CSMD1: variants seen among roughly 807,000 people sequenced by gnomAD.
The protein encoded by CSMD1 is CUB and Sushi multiple domains 1.
Under a neutral mutation model 417.5 loss-of-function variants are expected in CSMD1, and 213 were observed. The observed-to-expected ratio is 0.51, with a 90% CI of 0.46 to 0.57. The LOEUF is 0.57. Ranked by LOEUF, CSMD1 falls within the 20% of genes least tolerant of loss-of-function variation. CSMD1 has a pLI of 0.00. For synonymous variants in CSMD1, 2,862 were observed against 1,736.8 expected, an observed-to-expected ratio of 1.65 and a Z score of -16.11; for missense variants, 6,923 against 4,529.7, an observed-to-expected ratio of 1.53 and a Z score of -15.17.
chr8:3,244,209 C>T (rs1409012472), intron 26 of CSMD1, among the ~76,000 whole-genome samples: 1 of 152,124 alleles, frequency 6.6e-6, no homozygotes, highest in Non-Finnish European at 1.5e-5. Context: ...GGCAGAGATG[C>T]TATTGCGAGG....
intron 51 of CSMD1, among the ~76,000 whole-genome samples, chr8:3,021,865 C>A (rs1809436455): frequency 2.0e-5 from 3 of 146,434 alleles, no homozygotes; most frequent in African/African-American, 7.8e-5. Flanking sequence ...CGGAATGCAC[C>A]CGCAATCCCA....
intron 2 of CSMD1, among the ~76,000 whole-genome samples, chr8:4,431,538 C>G (rs970253730): frequency 2.6e-5 from 4 of 151,430 alleles, no homozygotes; most frequent in African/African-American, 9.7e-5. Flanking sequence ...ACACCCGACC[C>G]TGATAATCTA....
At chr8:4,699,994 C>G (rs529106895) in intron 1 of CSMD1, among the ~76,000 whole-genome samples, 1 of 152,186 alleles carries the variant, frequency 6.6e-6, no homozygotes, top group Non-Finnish European at 1.5e-5. Flanking sequence ...TAATACATGG[C>G]TTCAATTTCT....
rs1799974940 is a variant in CSMD1, at chr8:3,795,091, ATATAT to A, written c.819-41054_819-41050del. ...ATATCTATCATGTACAGCTATAGAT[ATATAT>A]CTATCATGTACAGCTATAGATATCT... On this transcript the variant is annotated intron_variant, in intron 5 of 69. Coordinates refer to ENST00000635120, the MANE Select transcript of CSMD1 (RefSeq NM_033225.6). 3.6e-5 allele frequency among the ~76,000 whole-genome samples: 4 copies of A among 109,628 alleles called. 1 individual carries two copies. The highest frequency in any genetic ancestry group is 2.9e-4 in the East Asian group (1 of 3,424). The allele number at this position is 109,628 out of a possible 152,430, so 71.9% of individuals were successfully genotyped here. A position where few individuals can be genotyped will look rare whatever the true frequency, so the allele number is the denominator to read the frequency against.
chr8:3,800,717 C>T (rs377006329), intron 5 of CSMD1, among the ~76,000 whole-genome samples: 5 of 152,186 alleles, frequency 3.3e-5, no homozygotes, highest in African/African-American at 1.2e-4. Context: ...AAGGTAAGAA[C>T]AGTTCTTGAA....
At chr8:4,296,401 A>G (rs970550317) in intron 3 of CSMD1, among the ~76,000 whole-genome samples, 3 of 152,208 alleles carry the variant, frequency 2.0e-5, no homozygotes, top group Non-Finnish European at 4.4e-5. Flanking sequence ...ATAATGATTT[A>G]AAATAAAGGG....
At chr8:4,658,823 G>C (rs377297759) in intron 1 of CSMD1, among the ~76,000 whole-genome samples, 1 of 152,130 alleles carries the variant, frequency 6.6e-6, no homozygotes, top group East Asian at 1.9e-4. Flanking sequence ...CACAATTTAT[G>C]AGGATATAAT....
At chr8:3,749,567 T>C (rs1797224761) in intron 6 of CSMD1, among the ~76,000 whole-genome samples, 1 of 152,212 alleles carries the variant, frequency 6.6e-6, no homozygotes, top group African/African-American at 2.4e-5. Flanking sequence ...TTGGTTGTCA[T>C]TTATTTGACC....
intron 1 of CSMD1, among the ~76,000 whole-genome samples, chr8:4,937,154 A>G (rs1174642122): frequency 1.3e-5 from 2 of 152,200 alleles, no homozygotes; most frequent in Admixed American, 1.3e-4. Context: ...TCAAGGCTGC[A>G]GTGAGCTCTG....
intron 1 of CSMD1, among the ~76,000 whole-genome samples, chr8:4,795,826 G>T (rs1241180801): frequency 1.3e-5 from 2 of 152,098 alleles, no homozygotes; most frequent in Non-Finnish European, 2.9e-5. Context: ...TACTGAGGCA[G>T]CCCTTCTTCA....
chr8:4,041,087 G>A (rs1371848032), intron 3 of CSMD1, among the ~76,000 whole-genome samples: 5 of 145,472 alleles, frequency 3.4e-5, no homozygotes, highest in Non-Finnish European at 6.0e-5. Flanking sequence ...CGCGATCTCG[G>A]CTCACTGCAA....
intron 1 of CSMD1, among the ~76,000 whole-genome samples, chr8:4,978,866 A>C (rs548277377): frequency 3.0e-3 from 412 of 138,772 alleles, no homozygotes; most frequent in Non-Finnish European, 5.5e-3. Flanking sequence ...TGAACCCAGG[A>C]GGCGGAGGTT....
At chr8:4,254,131 G>A (rs963879349) in intron 3 of CSMD1, among the ~76,000 whole-genome samples, 2 of 151,638 alleles carry the variant, frequency 1.3e-5, no homozygotes, top group Admixed American at 1.3e-4. Context: ...GTTAGCCAGG[G>A]TGGTCTCCAT....
At chr8:3,605,114 C>A (rs1441549176) in intron 8 of CSMD1, among the ~76,000 whole-genome samples, 2 of 152,182 alleles carry the variant, frequency 1.3e-5, no homozygotes, top group African/African-American at 4.8e-5. Context: ...CCTGCCTCAG[C>A]CTCCCGAGTA....
At chr8:4,805,401 T>A (rs531805258) in intron 1 of CSMD1, among the ~76,000 whole-genome samples, 2 of 152,312 alleles carry the variant, frequency 1.3e-5, no homozygotes, top group East Asian at 3.9e-4. Flanking sequence ...ATAAATTATT[T>A]CTTGGTCTTC....
intron 2 of CSMD1, among the ~76,000 whole-genome samples, chr8:4,502,526 C>G (rs1802311042): frequency 6.6e-6 from 1 of 152,160 alleles, no homozygotes; most frequent in Non-Finnish European, 1.5e-5. Flanking sequence ...TGCAAACACA[C>G]ATTAAACCCC....
intron 33 of CSMD1, among the ~76,000 whole-genome samples, chr8:3,194,467 T>A (rs546498909): frequency 5.3e-5 from 8 of 150,518 alleles, no homozygotes; most frequent in Non-Finnish European, 1.2e-4. Context: ...TTTATTTCAT[T>A]TCATTTTTGA....
At chr8:3,976,186 T>G (rs2554713) in intron 5 of CSMD1, among the ~76,000 whole-genome samples, 3 of 151,838 alleles carry the variant, frequency 2.0e-5, no homozygotes, top group Non-Finnish European at 2.9e-5. Context: ...AGATAACTTA[T>G]GCTTATTTTA....
intron 7 of CSMD1, among the ~76,000 whole-genome samples, chr8:3,648,509 C>G (rs369401800): frequency 6.6e-6 from 1 of 152,098 alleles, no homozygotes. Flanking sequence ...AGATTTTGGA[C>G]CTGTTGAAAA....
Sources: gnomAD v4.1 joint callset for allele counts (sites outside exome capture counted in the v4.1 genomes callset) on GRCh38, gnomAD v4.1.1 for gene constraint, MANE v1.5 for transcripts, NCBI Gene and HGNC (gene_info 2026-07-23, HGNC 2026-07-21) for gene names.